Variants in ZNF814 observed in about 807,000 individuals in gnomAD.
ZNF814 encodes zinc finger protein 814.
ZNF814 carries 5 observed loss-of-function variants against 7.5 expected under a neutral mutation model. The ratio of observed to expected loss-of-function variants is 0.67; its 90% confidence interval spans 0.35 to 1.40. The LOEUF (loss-of-function observed/expected upper bound fraction) is 1.40, where lower values mean the gene tolerates loss of function less well. Ranked by LOEUF, ZNF814 falls within the 40% of genes most tolerant of loss-of-function variation. The probability of loss-of-function intolerance (pLI) is 0.04; values close to 1 mark genes in which losing one functional copy is unlikely to be tolerated. For synonymous variants in ZNF814, 315 were observed against 340.7 expected (o/e 0.92, Z 0.83); for missense variants, 962 against 1,018.0 (o/e 0.94, Z 0.75).
At chr19:57,883,070 C>G (rs1457339428) in intron 1 of ZNF814, among the ~76,000 whole-genome samples, 1 of 151,870 alleles carries the variant, frequency 6.6e-6, no homozygotes, top group Non-Finnish European at 1.5e-5. Flanking sequence ...AATAATTAAA[C>G]AGAACTGGCC....
chr19:57,902,104 T>A, the ZNF814 span, among the ~76,000 whole-genome samples: 21 of 152,334 alleles, frequency 1.4e-4, no homozygotes, highest in African/African-American at 5.0e-4. Flanking sequence ...ACTTTATATA[T>A]GATTTCAGGG....
chr19:57,874,877 G>A lies in ZNF814; in HGVS notation c.513C>T (p.Val171=). ...AAAAGTCCTTCCCACTCTCACTGAA[G>A]ACAGATGACTCCCCTGACACATGCA... ...CKLHVSGESS[V]FSESGKDFLP... is the part of the protein sequence containing the mutation. The change falls in exon 3 of 3, where the codon GTC becomes GTT. Residue 171 remains valine (V), a synonymous_variant. Transcript: ENST00000435989. 6.2e-7 allele frequency: 1 copy of A among 1,614,088 alleles called. No homozygotes were observed. The highest frequency in any genetic ancestry group is 2.2e-5 in the East Asian group (1 of 44,878).
chr19:57,903,213 T>C, the ZNF814 span, among the ~76,000 whole-genome samples: 1 of 152,340 alleles, frequency 6.6e-6, no homozygotes, highest in East Asian at 1.9e-4. Context: ...ATAGTTGCTC[T>C]TATATTTGCT....
At chr19:57,905,076 C>A in the ZNF814 span, among the ~76,000 whole-genome samples, 2 of 140,538 alleles carry the variant, frequency 1.4e-5, no homozygotes, top group Admixed American at 1.5e-4. Flanking sequence ...AAAAGCCCAG[C>A]CATCATGAAG....
chr19:57,874,813 T>G lies in ZNF814; in HGVS notation c.577A>C (p.Thr193Pro), dbSNP rs1338022433. The G allele has an allele frequency of 6.2e-7, 1 of 1,614,034 alleles. No homozygotes were observed. Among genetic ancestry groups the G allele is most frequent in the East Asian group, 2.2e-5 (1 of 44,900 alleles). ...GTTTTGCTGTTTGACTTCTCCCCAGTGTGACTGGCCTCCTGCTGGAGTAAT... is the reference window on the plus strand; with the variant it reads ...GTTTTGCTGTTTGACTTCTCCCCAGGGTGACTGGCCTCCTGCTGGAGTAAT... ...SGLLQQEASH[T>P]GEKSNSKTEC... The change falls in exon 3 of 3, where the codon ACT becomes CCT. Residue 193 changes from threonine (T) to proline (P), a missense_variant. Around this residue, in one of 7 missense-constraint regions of ZNF814, gnomAD observed 126 missense variants for 123.5 expected, o/e 1.02. Transcript: ENST00000435989.
the ZNF814 span, among the ~76,000 whole-genome samples, chr19:57,901,890 G>A: frequency 3.9e-5 from 6 of 152,124 alleles, no homozygotes; most frequent in African/African-American, 1.4e-4. Context: ...CCCTATTATT[G>A]AGGTGTACAA....
chr19:57,878,955 T>A (rs986558169), intron 1 of ZNF814, among the ~76,000 whole-genome samples: 2 of 151,708 alleles, frequency 1.3e-5, no homozygotes, highest in African/African-American at 2.4e-5. Context: ...GGGAAAAAAA[T>A]TTAAAATATA....
chr19:57,903,348 A>G, the ZNF814 span, among the ~76,000 whole-genome samples: 1 of 152,240 alleles, frequency 6.6e-6, no homozygotes, highest in Non-Finnish European at 1.5e-5. Context: ...TGGAGCTCTC[A>G]GGCCCAAACA....
At chr19:57,890,992 TAGG>T (rs138536138), upstream of ZNF814, among the ~76,000 whole-genome samples, 7,783 of 152,038 alleles carry the variant, frequency 0.051, 281 homozygotes, top group Middle Eastern at 0.075. Flanking sequence ...CAGGATGAGA[TAGG>T]AGGTCAGCAC....
chr19:57,879,280 C>T (rs2122446012), intron 1 of ZNF814, among the ~76,000 whole-genome samples: 1 of 151,554 alleles, frequency 6.6e-6, no homozygotes, highest in South Asian at 2.1e-4. Context: ...CTGTGCTACA[C>T]TTGCCAGCCC....
chr19:57,878,605 T>G (rs1038596965), intron 1 of ZNF814, among the ~76,000 whole-genome samples: 1 of 151,928 alleles, frequency 6.6e-6, no homozygotes, highest in Non-Finnish European at 1.5e-5. Context: ...ATTACAGGCA[T>G]GTACCACCAT....
chr19:57,873,836 T>G lies in ZNF814; in HGVS notation c.1554A>C (p.Arg518Ser), dbSNP rs2071578982. 6.2e-7 allele frequency: 1 copy of G among 1,613,900 alleles called. No individual in the cohort carries two copies. Among genetic ancestry groups the G allele is most frequent in the Non-Finnish European group, 8.5e-7 (1 of 1,179,972 alleles). ...TCCCACATTCTCCACACTCATAAGG[T>G]CTTGCTCCAGTGTGAACTCGCTGGT... ...VLHQRVHTGA[R>S]PYECGECGKS... The change falls in exon 3 of 3, where the codon AGA (arginine) becomes AGC (serine). Residue 518 changes from arginine to serine, a missense_variant. Arg to Ser is a moderately radical substitution (Grantham distance 110). Around this residue, in one of 7 missense-constraint regions of ZNF814, gnomAD observed 665 missense variants for 551.4 expected, o/e 1.21. Transcript: ENST00000435989.
In ZNF814 at chr19:57,873,441, T is replaced by C. The variant is rs1249101340; in HGVS notation, c.1949A>G (p.His650Arg). Residue 650 changes from histidine (H) to arginine (R), a missense_variant, in exon 3 of 3, where the codon CAT (histidine) becomes CGT (arginine). His to Arg is a conservative substitution (Grantham distance 29, BLOSUM62 0). This residue lies in a region of ZNF814 where 665 missense variants were observed against 551.4 expected (regional missense o/e 1.21). Transcript: ENST00000435989. ...SFNEKGHLRNHQRVHTTERPF... is the reference protein window; with the variant it reads ...SFNEKGHLRNRQRVHTTERPF... ...TCTTTCTGTAGTGTGAACTCGCTGATGATTCCTAAGGTGTCCTTTTTCATT... is the reference window on the plus strand; with the variant it reads ...TCTTTCTGTAGTGTGAACTCGCTGACGATTCCTAAGGTGTCCTTTTTCATT... The C allele has an allele frequency of 1.9e-6, 3 of 1,613,952 alleles. No homozygotes were observed. Among genetic ancestry groups the C allele is most frequent in the Middle Eastern group, 1.6e-4 (1 of 6,082 alleles).
At chr19:57,896,878 G>GA in the ZNF814 span, among the ~76,000 whole-genome samples, 2 of 152,084 alleles carry the variant, frequency 1.3e-5, no homozygotes, top group African/African-American at 4.8e-5. This position sits in a 1 kb window ranked among gnomAD's most constrained non-coding sequence, Gnocchi z 4.2. Context: ...TCAGGCAAGG[G>GA]AAAAAACACA....
Position 57,872,783 on chromosome 19 carries a change from T to G in ZNF814, c.*39A>C, listed in dbSNP as rs751842928. The G allele has an allele frequency of 1.3e-5, 21 of 1,605,460 alleles. No individual in the cohort carries two copies. In the South Asian group the frequency reaches 2.2e-4, roughly 17 times the overall value. On this transcript the variant is annotated 3_prime_UTR_variant, in exon 3 of 3. Transcript: ENST00000435989. ...GTGAACTCTCTGGTGTGCAATGAGG[T>G]GGTCCTTCTTGCTAAAAACTTTCTG... is the stretch of plus-strand genomic sequence containing the variant.
rs2071549231 is a variant in ZNF814, at chr19:57,870,574, C to T, written c.*2248G>A. On this transcript the variant is annotated 3_prime_UTR_variant, in exon 3 of 3. Transcript: ENST00000435989. ...AATTCACAAAACCTTTAGATTATTTCCTCTGACAATGGCCTCAACAATACA... is the reference window on the plus strand; with the variant it reads ...AATTCACAAAACCTTTAGATTATTTTCTCTGACAATGGCCTCAACAATACA... The T allele has an allele frequency of 2.0e-5, 3 of 152,344 alleles. 1 individual carries two copies. Among genetic ancestry groups the T allele is most frequent in the Non-Finnish European group, 4.4e-5 (3 of 68,038 alleles). 9.4% of individuals were successfully genotyped at this position (152,344 alleles called of 1,614,324 possible). A position where few individuals can be genotyped will look rare whatever the true frequency, so the allele number is the denominator to read the frequency against.
At position 57,872,824 on chromosome 19, in the gene ZNF814, A is replaced by T. The variant is rs777671410; in HGVS notation, c.2566T>A (p.Ter856ArgextTer2). 1 of 1,611,768 alleles carries T rather than the reference A, an allele frequency of 6.2e-7. No homozygotes were observed. Among genetic ancestry groups the T allele is most frequent in the Non-Finnish European group, 8.5e-7 (1 of 1,178,706 alleles). Residue 856 changes from the stop codon to arginine, a stop_lost, in exon 3 of 3, where the codon TGA (stop) becomes AGA (arginine). Transcript: ENST00000435989. ...AAACTTTCTGACAATCCTCACACTC[A>T]TATGGCTTTTCTCCAGTGTGAACTC... ...HQSSHWRKAI[*>R]
At chr19:57,878,947 G>GA (rs113958202) in intron 1 of ZNF814, among the ~76,000 whole-genome samples, 9 of 151,508 alleles carry the variant, frequency 5.9e-5, no homozygotes, top group African/African-American at 2.2e-4. Flanking sequence ...GCACACAAGG[G>GA]AAAAAAATTT....
chr19:57,900,773 T>A, the ZNF814 span, among the ~76,000 whole-genome samples: 1 of 150,856 alleles, frequency 6.6e-6, no homozygotes, highest in African/African-American at 2.4e-5. Flanking sequence ...GCTTTGCAGT[T>A]ATGGGAATCC....
Sources: allele counts gnomAD v4.1 joint callset (sites outside exome capture counted in the v4.1 genomes callset), GRCh38; gene constraint gnomAD v4.1.1; regional missense constraint gnomAD v4.1.1; non-coding constraint Gnocchi (gnomAD v3.1); transcripts MANE v1.5; gene names NCBI Gene and HGNC (gene_info 2026-07-23, HGNC 2026-07-21).